The following DNAJB12 variants were observed in gnomAD, a reference collection of about 807,000 sequenced individuals.
DNAJB12 encodes DnaJ heat shock protein family (Hsp40) member B12, also known as dnaJ homolog subfamily B member 12.
Under a neutral mutation model 40.6 loss-of-function variants are expected in DNAJB12, and 14 were observed. The ratio of observed to expected loss-of-function variants is 0.34; its 90% CI spans 0.23 to 0.54. The LOEUF is 0.54. Among genes scored for constraint, DNAJB12 ranks in the 20% least tolerant of loss-of-function variants. The probability of loss-of-function intolerance (pLI) is 0.92; values close to 1 mark genes in which losing one functional copy is unlikely to be tolerated. For synonymous variants in DNAJB12, 181 were observed against 199.5 expected (o/e 0.91, Z 0.78); for missense variants, 444 against 501.7 (o/e 0.89, Z 1.10).
At position 72,333,668 on chromosome 10, in the gene DNAJB12, A is replaced by G. The variant is rs1405515776; in HGVS notation, c.*980T>C. ...CACTGAGGGACTTAGGGGTGGGGAA[A>G]TGGTTAGGTAGATCCTGGCCCCCTC... On this transcript the variant is annotated 3_prime_UTR_variant, in exon 9 of 9. Transcript: ENST00000444643. 6.5e-6 allele frequency: 1 copy of G among 152,692 alleles called. No homozygotes were observed. Among genetic ancestry groups the G allele is most frequent in the Admixed American group, 6.5e-5 (1 of 15,274 alleles). 9.5% of individuals were successfully genotyped at this position (152,692 alleles called of 1,614,324 possible).
intron 5 of DNAJB12, among the ~76,000 whole-genome samples, chr10:72,340,288 G>A (rs998412128): frequency 6.6e-6 from 1 of 151,934 alleles, no homozygotes; most frequent in African/African-American, 2.4e-5. Flanking sequence ...AGGTTGCAGT[G>A]AGCCGAGATC....
At position 72,334,711 on chromosome 10, in the gene DNAJB12, C is replaced by G. The variant is rs778586065; in HGVS notation, c.*31-94G>C. On this transcript the variant is annotated intron_variant, in intron 8 of 8. Transcript: ENST00000444643. ...CAAGTAGCCCCCCTTGCCACTGCAC[C>G]GCTGCACCGTGCTGCCCGCTCGACC... The G allele has an allele frequency of 2.8e-6, 4 of 1,448,056 alleles. No individual in the cohort carries two copies. The African/African-American group carries it at 5.9e-5, about 21-fold the overall frequency. 89.7% of individuals were successfully genotyped at this position (1,448,056 alleles called of 1,614,324 possible). A position where few individuals can be genotyped will look rare whatever the true frequency, so the allele number is the denominator to read the frequency against.
At chr10:72,354,660 G>A in intron 1 of DNAJB12, 105 bp downstream of exon 1, 1 of 1,107,586 alleles carries the variant, frequency 9.0e-7, no homozygotes, top group Non-Finnish European at 1.3e-6. Flanking sequence ...AGGCGTAGCC[G>A]CGCCTCGCCA....
intron 7 of DNAJB12, among the ~76,000 whole-genome samples, chr10:72,336,189 G>A (rs1175189973): frequency 6.6e-6 from 1 of 152,210 alleles, no homozygotes; most frequent in Non-Finnish European, 1.5e-5. Flanking sequence ...CCTCCCCAGG[G>A]TCCCACAGAC....
intron 3 of DNAJB12, among the ~76,000 whole-genome samples, chr10:72,342,046 C>T (rs1033786660): frequency 1.6e-4 from 24 of 152,230 alleles, no homozygotes; most frequent in African/African-American, 5.5e-4. Flanking sequence ...GCAGGCCAGA[C>T]AGACACACAA....
chr10:72,344,106 T>C (rs1042799428), intron 2 of DNAJB12, among the ~76,000 whole-genome samples: 9 of 152,020 alleles, frequency 5.9e-5, no homozygotes, highest in Non-Finnish European at 2.9e-5. Context: ...CAGGTGACTG[T>C]TCACCGCAAG....
chr10:72,337,621 A>C (rs1861513403), intron 6 of DNAJB12, among the ~76,000 whole-genome samples: 1 of 152,252 alleles, frequency 6.6e-6, no homozygotes, highest in Non-Finnish European at 1.5e-5. Context: ...TGGATGTTAT[A>C]ATTCCCATTT....
chr10:72,342,631 G>A (rs1861670915), intron 3 of DNAJB12, among the ~76,000 whole-genome samples: 1 of 152,220 alleles, frequency 6.6e-6, no homozygotes, highest in South Asian at 2.1e-4. Flanking sequence ...CCAGGCCAGT[G>A]GGGGCTAGTC....
Position 72,334,539 on chromosome 10 carries a change from T to C in DNAJB12, c.*109A>G. 1 of 1,532,794 alleles carries C rather than the reference T, an allele frequency of 6.5e-7. No individual in the cohort carries two copies. Among genetic ancestry groups the C allele is most frequent in the East Asian group, 2.5e-5 (1 of 40,710 alleles). 94.9% of individuals were successfully genotyped at this position (1,532,794 alleles called of 1,614,324 possible). ...CAATTCCATTTTAATTTTGTTTCTT[T>C]GTTTGTCTTTCCTCAAATATACAGT... On this transcript the variant is annotated 3_prime_UTR_variant, in exon 9 of 9. Coordinates refer to ENST00000444643, the MANE Select transcript of DNAJB12 (RefSeq NM_017626.7).
intron 5 of DNAJB12, among the ~76,000 whole-genome samples, chr10:72,339,178 C>T (rs1228690103): frequency 1.5e-5 from 2 of 135,964 alleles, no homozygotes; most frequent in East Asian, 4.5e-4. Context: ...GAGGTGGGAG[C>T]TTTGCCTGGG....
At position 72,335,261 on chromosome 10, in the gene DNAJB12, C is replaced by T; in HGVS notation, c.*30+519G>A. On this transcript the variant is annotated intron_variant, in intron 8 of 8. Transcript: ENST00000444643. The surrounding 1 kb of genome is among the most constrained non-coding windows in gnomAD (Gnocchi z 4.4). Reference sequence around the variant, plus strand: ...ACCTCGTGGCTGCCTGTTCATCTTGCTCCATTTCCTCCTAGCTGGAGGGAT... The same window carrying T: ...ACCTCGTGGCTGCCTGTTCATCTTGTTCCATTTCCTCCTAGCTGGAGGGAT... 1.0e-6 allele frequency: 1 copy of T among 986,876 alleles called. No individual in the cohort carries two copies. The allele number at this position is 986,876 out of a possible 1,614,324, so 61.1% of individuals were successfully genotyped here.
At chr10:72,348,251 T>A (rs1221683410) in intron 1 of DNAJB12, among the ~76,000 whole-genome samples, 1 of 152,114 alleles carries the variant, frequency 6.6e-6, no homozygotes, top group Non-Finnish European at 1.5e-5. Context: ...AAAACAAGCC[T>A]GTGGTTCCTG....
At chr10:72,350,569 A>T (rs1172431722) in intron 1 of DNAJB12, among the ~76,000 whole-genome samples, 3 of 152,200 alleles carry the variant, frequency 2.0e-5, no homozygotes, top group Non-Finnish European at 2.9e-5. Context: ...CAAAAAACTC[A>T]GCCCAATGCC....
In DNAJB12 at chr10:72,336,617, A is replaced by G. The variant is rs780045279; in HGVS notation, c.913T>C (p.Tyr305His). 1.4e-5 allele frequency: 23 copies of G among 1,613,900 alleles called. No homozygotes were observed. In the South Asian group the frequency reaches 2.2e-4, roughly 15 times the overall value. Residue 305 changes from tyrosine to histidine, a missense_variant, in exon 7 of 9, where the codon TAC becomes CAC. Coordinates refer to ENST00000444643, the MANE Select transcript of DNAJB12 (RefSeq NM_017626.7). The stretch of plus-strand genomic sequence containing the variant: ...ACTGTTTTGAGGCTGGAGCCTGTGT[A>G]CTCTTCGGAGAAAGTGTCTCCCACA... ...YYVGDTFSEE[Y>H]TGSSLKTVER...
At position 72,343,309 on chromosome 10, in the gene DNAJB12, C is replaced by A. The variant is rs546881338; in HGVS notation, c.457+57G>T. The A allele has an allele frequency of 4.8e-5, 76 of 1,572,368 alleles. No homozygotes were observed. In the East Asian group the frequency reaches 1.6e-3, roughly 32 times the overall value. ...GGAAAGCTGTCTTGGTCCCTTACTCCCTGCCATGGACAGGAGATGAACACA... is the reference window on the plus strand; with the variant it reads ...GGAAAGCTGTCTTGGTCCCTTACTCACTGCCATGGACAGGAGATGAACACA... On this transcript the variant is annotated intron_variant, in intron 3 of 8. Coordinates refer to ENST00000444643, the MANE Select transcript of DNAJB12 (RefSeq NM_017626.7).
chr10:72,354,798 C>A lies in DNAJB12; in HGVS notation c.100G>T (p.Ala34Ser). The change falls in exon 1 of 9, where the codon GCA becomes TCA. Residue 34 changes from alanine (A) to serine (S), a missense_variant. Physicochemically the swap from Ala to Ser is moderately conservative, Grantham distance 99 (BLOSUM62 1). Coordinates refer to ENST00000444643, the MANE Select transcript of DNAJB12 (RefSeq NM_017626.7). ...CGCGGCGTCGGATACAGCCGCTGTG[C>A]CTTCTCCAGGAAGCGGAGCGCCCGG... ...PDRALRFLEKAQRLYPTPRVR... is the reference protein window; with the variant it reads ...PDRALRFLEKSQRLYPTPRVR... The A allele has an allele frequency of 1.9e-6, 3 of 1,613,770 alleles. No individual in the cohort carries two copies. The highest frequency in any genetic ancestry group is 2.5e-6 in the Non-Finnish European group (3 of 1,179,846).
chr10:72,347,045 A>G (rs1024700959), intron 1 of DNAJB12, among the ~76,000 whole-genome samples: 1 of 150,972 alleles, frequency 6.6e-6, no homozygotes, highest in Non-Finnish European at 1.5e-5. Context: ...GCTCACTGCA[A>G]CCTCTGCCTC....
intron 1 of DNAJB12, chr10:72,353,598 G>C (rs1264716390): frequency 2.0e-5 from 3 of 152,216 alleles, no homozygotes; most frequent in Non-Finnish European, 4.4e-5. Context: ...GTGTCATCCT[G>C]GGCATCCCTT....
intron 3 of DNAJB12, 43 bp from the exon 4 acceptor site, chr10:72,341,213 G>A: frequency 6.4e-7 from 1 of 1,566,870 alleles, no homozygotes; most frequent in Non-Finnish European, 8.7e-7. Context: ...ATCCTGGGGT[G>A]CGGGGGGAGG....
Sources: gnomAD v4.1 joint callset for allele counts (sites outside exome capture counted in the v4.1 genomes callset) on GRCh38, gnomAD v4.1.1 for gene constraint, Gnocchi (gnomAD v3.1) non-coding constraint, MANE v1.5 for transcripts, NCBI Gene and HGNC (gene_info 2026-07-23, HGNC 2026-07-21) for gene names.